Variants in CDH18 observed in about 807,000 individuals in gnomAD.
CDH18 encodes cadherin-18.
A neutral mutation model predicts 67.9 loss-of-function variants in CDH18; 31 were observed. The observed-to-expected ratio is 0.46, with a 90% CI of 0.34 to 0.62. The LOEUF is 0.62. Among genes scored for constraint, CDH18 ranks in the 20% least tolerant of loss-of-function variants. CDH18 has a pLI of 0.01. For synonymous variants in CDH18, 362 were observed against 347.2 expected, an observed-to-expected ratio of 1.04 and a Z score of -0.48; for missense variants, 890 against 975.5, an observed-to-expected ratio of 0.91 and a Z score of 1.17.
At chr5:20,323,011 T>TA (rs775919866) in intron 1 of CDH18, among the ~76,000 whole-genome samples, 11 of 152,136 alleles carry the variant, frequency 7.2e-5, no homozygotes, top group African/African-American at 9.6e-5. Context: ...GGAATAGGTT[T>TA]TAAAAAAAAG....
chr5:20,512,991 A>G (rs1203739903), intron 1 of CDH18, among the ~76,000 whole-genome samples: 4 of 152,062 alleles, frequency 2.6e-5, no homozygotes, highest in South Asian at 2.1e-4. Context: ...TTCTCCTTCA[A>G]AATTCACCGT....
intron 6 of CDH18, among the ~76,000 whole-genome samples, chr5:19,601,633 G>GAT (rs1447337690): frequency 3.0e-5 from 2 of 67,408 alleles, no homozygotes; most frequent in African/African-American, 9.6e-5. Context: ...ACCAAAAATA[G>GAT]ACAGACACTA....
rs144677818 is a variant in CDH18, at chr5:20,345,641, TACCTAACCC to T, written c.-579-90145_-579-90137del. On this transcript the variant is annotated intron_variant, in intron 1 of 14. Coordinates refer to the CDH18 transcript ENST00000507958. ...AATATGTAAGATAGGAAATGGAAAT[TACCTAACCC>T]ACCTAACCCAGGATATAACAAAAGG... is the stretch of plus-strand genomic sequence containing the variant. Among the ~76,000 whole-genome samples, 128 of 152,270 alleles carry T rather than the reference TACCTAACCC, an allele frequency of 8.4e-4. 2 individuals carry two copies. In the East Asian group the frequency reaches 0.023, roughly 28 times the overall value.
At chr5:20,455,197 C>T (rs1201549327) in intron 1 of CDH18, among the ~76,000 whole-genome samples, 1 of 151,960 alleles carries the variant, frequency 6.6e-6, no homozygotes, top group Non-Finnish European at 1.5e-5. Flanking sequence ...ATGGACTTTG[C>T]ACTTGGAGTA....
intron 3 of CDH18, among the ~76,000 whole-genome samples, chr5:19,822,189 A>C (rs1779944413): frequency 6.6e-6 from 1 of 152,202 alleles, no homozygotes; most frequent in Non-Finnish European, 1.5e-5. Flanking sequence ...ATTTGGATGA[A>C]TAACCAAGAC....
At chr5:20,196,997 C>T (rs1739034535) in intron 2 of CDH18, among the ~76,000 whole-genome samples, 1 of 151,792 alleles carries the variant, frequency 6.6e-6, no homozygotes, top group South Asian at 2.1e-4. Context: ...TTATTAATTC[C>T]TTCCTTTCTC....
intron 3 of CDH18, among the ~76,000 whole-genome samples, chr5:19,803,563 A>G (rs72740831): frequency 6.6e-6 from 1 of 152,144 alleles, no homozygotes; most frequent in Non-Finnish European, 1.5e-5. Context: ...ACTGGTCTAA[A>G]CCCATTATGG....
At position 19,706,913 on chromosome 5, in the gene CDH18, C is replaced by G. The variant is rs769697588; in HGVS notation, c.643+14434G>C. Among the ~76,000 whole-genome samples the G allele has an allele frequency of 7.2e-5, 11 of 152,092 alleles. No individual in the cohort carries two copies. The South Asian group carries it at 2.1e-3, about 29-fold the overall frequency. On this transcript the variant is annotated intron_variant, in intron 5 of 12. Coordinates refer to ENST00000382275, the MANE Select transcript of CDH18 (RefSeq NM_004934.5). Reference sequence around the variant, plus strand: ...CATTATTGACTTTAAATTTTTTGAGCCTGCCTAAAGGCCAGATGCTATCAG... The same window carrying G: ...CATTATTGACTTTAAATTTTTTGAGGCTGCCTAAAGGCCAGATGCTATCAG...
At chr5:19,790,160 A>C (rs988177116) in intron 3 of CDH18, among the ~76,000 whole-genome samples, 4 of 152,104 alleles carry the variant, frequency 2.6e-5, no homozygotes, top group South Asian at 2.1e-4. Flanking sequence ...CACCCCTGCT[A>C]TCAAGAGACT....
chr5:19,639,990 AT>A (rs1753783984), intron 5 of CDH18, among the ~76,000 whole-genome samples: 1 of 152,204 alleles, frequency 6.6e-6, no homozygotes, highest in South Asian at 2.1e-4. Context: ...GAAAGAGAAA[AT>A]CTACCATTCA....
At chr5:19,642,357 C>T (rs1754130435) in intron 5 of CDH18, among the ~76,000 whole-genome samples, 1 of 151,720 alleles carries the variant, frequency 6.6e-6, no homozygotes, top group Admixed American at 6.6e-5. Flanking sequence ...CTGCCAATAC[C>T]CTAATATCCA....
chr5:20,117,757 T>G (rs1184356224), intron 2 of CDH18, among the ~76,000 whole-genome samples: 1 of 152,222 alleles, frequency 6.6e-6, no homozygotes, highest in Non-Finnish European at 1.5e-5. Flanking sequence ...AATTATGCTC[T>G]GGAACATGAA....
chr5:20,274,885 T>G (rs887718971), intron 1 of CDH18, among the ~76,000 whole-genome samples: 1 of 152,078 alleles, frequency 6.6e-6, no homozygotes, highest in Non-Finnish European at 1.5e-5. Flanking sequence ...CTACTTTGCA[T>G]TGTGATGGCC....
intron 1 of CDH18, among the ~76,000 whole-genome samples, chr5:20,405,674 T>A (rs1329460837): frequency 6.6e-6 from 1 of 152,148 alleles, no homozygotes; most frequent in Non-Finnish European, 1.5e-5. Context: ...GAGAAAATTT[T>A]TGCAATCTAC....
chr5:20,115,693 A>G (rs1434254385), intron 2 of CDH18, among the ~76,000 whole-genome samples: 4 of 152,086 alleles, frequency 2.6e-5, no homozygotes, highest in African/African-American at 4.8e-5. Flanking sequence ...AATCAGAGTC[A>G]AGGAATCCTC....
intron 2 of CDH18, among the ~76,000 whole-genome samples, chr5:19,960,929 C>G: frequency 6.6e-6 from 1 of 150,796 alleles, no homozygotes; most frequent in Non-Finnish European, 1.5e-5. Context: ...CATTATCAAG[C>G]ATTATGTAGT....
intron 3 of CDH18, among the ~76,000 whole-genome samples, chr5:19,808,131 G>C (rs1778221631): frequency 6.6e-6 from 1 of 151,886 alleles, no homozygotes. Context: ...TTATTCTTTT[G>C]TTTTTAATGT....
chr5:20,235,782 C>A (rs913868567), intron 2 of CDH18, among the ~76,000 whole-genome samples: 1 of 151,990 alleles, frequency 6.6e-6, no homozygotes, highest in Non-Finnish European at 1.5e-5. Flanking sequence ...GGGTATACAC[C>A]CAAAGAAAAT....
intron 2 of CDH18, among the ~76,000 whole-genome samples, chr5:19,894,350 A>G (rs1789077414): frequency 6.6e-6 from 1 of 152,078 alleles, no homozygotes; most frequent in South Asian, 2.1e-4. Flanking sequence ...GGATACTTTA[A>G]CCAGTTAAAT....
Sources: allele counts gnomAD v4.1 joint callset (sites outside exome capture counted in the v4.1 genomes callset), GRCh38; gene constraint gnomAD v4.1.1; transcripts MANE v1.5; gene names NCBI Gene and HGNC (gene_info 2026-07-23, HGNC 2026-07-21).